The following ABCC1 variants were observed in gnomAD, a reference collection of about 807,000 sequenced individuals.
ABCC1 encodes ATP binding cassette subfamily C member 1 (ABCC1 blood group).
A neutral mutation model predicts 172.9 loss-of-function variants in ABCC1; 83 were observed. That is an observed-to-expected ratio of 0.48 (90% CI 0.40 to 0.58). The LOEUF is 0.58. Ranked by LOEUF, ABCC1 falls within the 20% of genes least tolerant of loss-of-function variation. The pLI is 0.00. For synonymous variants in ABCC1, 937 were observed against 825.2 expected (o/e 1.14, Z -2.32); for missense variants, 1,817 against 2,002.7 (o/e 0.91, Z 1.77).
chr16:16,020,839 G>A (rs1031844715), intron 5 of ABCC1, among the ~76,000 whole-genome samples: 5 of 152,136 alleles, frequency 3.3e-5, no homozygotes, highest in African/African-American at 1.2e-4. Flanking sequence ...AGCAGTCCTG[G>A]TGAACTTGGT....
Position 16,138,393 on chromosome 16 carries a change from C to T in ABCC1, c.4322C>T (p.Ala1441Val). Residue 1441 changes from alanine to valine, a missense_variant, in exon 30 of 31, where the codon GCC (alanine) becomes GTC (valine). Coordinates refer to ENST00000399410, the MANE Select transcript of ABCC1 (RefSeq NM_004996.4). ...GGGCAGCGCCAGCTTGTGTGCCTAGCCCGGGCCCTGCTGAGGAAGACGAAG... is the reference window on the plus strand; with the variant it reads ...GGGCAGCGCCAGCTTGTGTGCCTAGTCCGGGCCCTGCTGAGGAAGACGAAG... Reference protein sequence around the residue: ...SVGQRQLVCLARALLRKTKIL... With the variant: ...SVGQRQLVCLVRALLRKTKIL... 4 of 1,602,208 alleles carry T rather than the reference C, an allele frequency of 2.5e-6. No homozygotes were observed. The highest frequency in any genetic ancestry group is 3.4e-6 in the Non-Finnish European group (4 of 1,170,354).
At chr16:15,965,494 G>A (rs938174878) in intron 1 of ABCC1, among the ~76,000 whole-genome samples, 8 of 152,002 alleles carry the variant, frequency 5.3e-5, no homozygotes, top group Non-Finnish European at 7.4e-5. Context: ...GAGTTTCACC[G>A]TGTTAGCCAG....
intron 25 of ABCC1, 147 bp downstream of exon 25, chr16:16,125,062 C>A: frequency 8.7e-7 from 1 of 1,153,786 alleles, no homozygotes; most frequent in Non-Finnish European, 1.2e-6. Flanking sequence ...TGCCACAGTG[C>A]CTGGTGACCA....
chr16:16,050,863 C>G (rs1366409715), intron 10 of ABCC1, among the ~76,000 whole-genome samples: 1 of 151,596 alleles, frequency 6.6e-6, no homozygotes, highest in Non-Finnish European at 1.5e-5. Flanking sequence ...AGGATCACAC[C>G]ACTGCACTCC....
Position 15,949,632 on chromosome 16 carries a change from CCA to C in ABCC1, c.-119_-118del. ...CCCTGCGCCGCCGCCGCCGCCGCCG[CCA>C]GCGCTAGCGCCAGCAGCCGGGCCCG... On this transcript the variant is annotated 5_prime_UTR_variant, in exon 1 of 31. Transcript: ENST00000399410. 1 of 686,072 alleles carries C rather than the reference CCA, an allele frequency of 1.5e-6. No homozygotes were observed. Among genetic ancestry groups the C allele is most frequent in the African/African-American group, 2.0e-5 (1 of 51,246 alleles). 42.5% of individuals were successfully genotyped at this position (686,072 alleles called of 1,614,324 possible).
chr16:16,001,425 C>T (rs151336828), intron 1 of ABCC1, among the ~76,000 whole-genome samples: 13,841 of 152,006 alleles, frequency 0.091, 714 homozygotes, highest in African/African-American at 0.12. Context: ...TGGTCTCGAT[C>T]TGCTGACCTC....
At chr16:16,107,616 T>C (rs916336255) in intron 21 of ABCC1, among the ~76,000 whole-genome samples, 23 of 152,188 alleles carry the variant, frequency 1.5e-4, no homozygotes, top group Admixed American at 6.5e-5. Flanking sequence ...TTGGTCCTAA[T>C]GATTACGTCC....
At chr16:16,026,508 T>C (rs1183834115) in intron 5 of ABCC1, among the ~76,000 whole-genome samples, 1 of 107,340 alleles carries the variant, frequency 9.3e-6, no homozygotes, top group Non-Finnish European at 1.9e-5. Flanking sequence ...GGGGGGACCC[T>C]GTGTTGGCCT....
At chr16:16,083,739 G>A (rs945161052) in intron 17 of ABCC1, among the ~76,000 whole-genome samples, 197 bp downstream of exon 17, 8 of 152,166 alleles carry the variant, frequency 5.3e-5, no homozygotes, top group Non-Finnish European at 8.8e-5. Context: ...CACTTACAGA[G>A]CTTTTGCTGG....
intron 1 of ABCC1, among the ~76,000 whole-genome samples, chr16:16,006,871 C>CGGTGGCGGTGGTGGTGGT (rs1555480299): frequency 2.0e-5 from 3 of 148,030 alleles, no homozygotes; most frequent in Non-Finnish European, 3.0e-5. Flanking sequence ...GTGGCGGTGG[C>CGGTGGCGGTGGTGGTGGT]GGTGGCGGTG....
intron 5 of ABCC1, among the ~76,000 whole-genome samples, chr16:16,023,342 G>A (rs935401063): frequency 1.3e-5 from 2 of 152,152 alleles, no homozygotes; most frequent in Non-Finnish European, 2.9e-5. Flanking sequence ...TTTACATACA[G>A]TGAAATTGCT....
intron 23 of ABCC1, among the ~76,000 whole-genome samples, chr16:16,120,856 A>T (rs2045117876): frequency 6.6e-6 from 1 of 152,064 alleles, no homozygotes; most frequent in African/African-American, 2.4e-5. Context: ...AGCTGGGCTG[A>T]GTGTGCTGGA....
intron 30 of ABCC1, 67 bp from the exon 31 acceptor site, chr16:16,141,106 G>T: frequency 6.9e-7 from 1 of 1,442,826 alleles, no homozygotes; most frequent in South Asian, 1.2e-5. Flanking sequence ...GCCCAGGTCA[G>T]TTGTCCCAGG....
chr16:16,028,895 G>A (rs1340472826), intron 5 of ABCC1, among the ~76,000 whole-genome samples: 2 of 152,180 alleles, frequency 1.3e-5, no homozygotes, highest in Admixed American at 6.5e-5. Flanking sequence ...GGTCTGATCT[G>A]AACTCGGCTT....
At chr16:16,051,376 T>C (rs938554640) in intron 10 of ABCC1, among the ~76,000 whole-genome samples, 1 of 152,106 alleles carries the variant, frequency 6.6e-6, no homozygotes, top group Non-Finnish European at 1.5e-5. Context: ...TCTTGCTGTG[T>C]TGCCCAGGCT....
At position 16,076,416 on chromosome 16, in the gene ABCC1, G is replaced by A. The variant is rs780113889; in HGVS notation, c.1988+15G>A. On this transcript the variant is annotated intron_variant, in intron 15 of 30. Transcript: ENST00000399410. ...ACACTGAATGGGTAAGCCGGGACGT[G>A]GACACACGTGATGGTGTGGAGAGAG... is the stretch of plus-strand genomic sequence containing the variant. 6 of 1,596,902 alleles carry A rather than the reference G, an allele frequency of 3.8e-6. No individual in the cohort carries two copies. In the South Asian group the frequency reaches 4.5e-5, roughly 12 times the overall value.
chr16:15,988,633 G>C, intron 1 of ABCC1, among the ~76,000 whole-genome samples: 1 of 152,166 alleles, frequency 6.6e-6, no homozygotes, highest in East Asian at 1.9e-4. Context: ...TTCATAGGAC[G>C]GGCCTTCCAC....
At chr16:16,048,695 T>G (rs1468937500) in intron 10 of ABCC1, among the ~76,000 whole-genome samples, 4 of 152,162 alleles carry the variant, frequency 2.6e-5, no homozygotes, top group Non-Finnish European at 5.9e-5. Context: ...TGTCTTAAAG[T>G]AGCCTAAGTG....
At position 16,087,429 on chromosome 16, in the gene ABCC1, G is replaced by C. The variant is rs369610914; in HGVS notation, c.2460+438G>C. Among the ~76,000 whole-genome samples, 22 of 152,246 alleles carry C rather than the reference G, an allele frequency of 1.4e-4. No homozygotes were observed. The South Asian group carries it at 4.4e-3, about 30-fold the overall frequency. On this transcript the variant is annotated intron_variant, in intron 18 of 30. Coordinates refer to ENST00000399410, the MANE Select transcript of ABCC1 (RefSeq NM_004996.4). ...CTTTTTATAGGGCAGTTGTGGTAAT[G>C]GGTACACACTGGCTCTTTTTTTTCT...
Sources: gnomAD v4.1 joint callset for allele counts (sites outside exome capture counted in the v4.1 genomes callset) on GRCh38, gnomAD v4.1.1 for gene constraint, MANE v1.5 for transcripts, NCBI Gene and HGNC (gene_info 2026-07-23, HGNC 2026-07-21) for gene names.